RBFOX1: variants seen among roughly 807,000 people sequenced by gnomAD.
RBFOX1 encodes RNA binding protein fox-1 homolog 1.
RBFOX1 carries 8 observed loss-of-function variants against 57.7 expected under a neutral mutation model. That is an observed-to-expected ratio of 0.14 (90% CI 0.08 to 0.25). RBFOX1 has a LOEUF of 0.25. Among genes scored for constraint, RBFOX1 ranks in the 10% least tolerant of loss-of-function variants. The probability of loss-of-function intolerance (pLI) is 1.00; values close to 1 mark genes in which losing one functional copy is unlikely to be tolerated. For missense variants in RBFOX1, 611 were observed against 548.5 expected (o/e 1.11, Z -1.14); for synonymous variants, 326 against 222.4 (o/e 1.47, Z -4.15).
intron 2 of RBFOX1, among the ~76,000 whole-genome samples, chr16:6,398,761 T>C (rs529252937): frequency 6.6e-6 from 1 of 152,280 alleles, no homozygotes; most frequent in South Asian, 2.1e-4. Flanking sequence ...TGGCATTGAG[T>C]GTCTGCAGCT....
intron 1 of RBFOX1, among the ~76,000 whole-genome samples, chr16:6,243,411 T>A (rs1185826636): frequency 1.3e-5 from 2 of 152,208 alleles, no homozygotes; most frequent in African/African-American, 4.8e-5. Flanking sequence ...ATGCCTGTTA[T>A]AAGTGCACTT....
intron 1 of RBFOX1, among the ~76,000 whole-genome samples, chr16:5,328,516 A>C (rs945311783): frequency 6.6e-6 from 1 of 152,266 alleles, no homozygotes; most frequent in Non-Finnish European, 1.5e-5. Flanking sequence ...AGAATAACTC[A>C]GCCTCGATGA....
intron 3 of RBFOX1, among the ~76,000 whole-genome samples, chr16:5,819,739 A>G (rs2055777498): frequency 6.6e-6 from 1 of 152,186 alleles, no homozygotes; most frequent in Admixed American, 6.5e-5. Context: ...ATCACAGCTT[A>G]TCCTTTAAGA....
At chr16:6,318,907 C>T (rs1028158419) in intron 2 of RBFOX1, among the ~76,000 whole-genome samples, 1 of 151,646 alleles carries the variant, frequency 6.6e-6, no homozygotes, top group Non-Finnish European at 1.5e-5. Flanking sequence ...AGTAGGTTTC[C>T]ATCCTGTCCT....
At chr16:6,758,496 G>A (rs144534406) in intron 3 of RBFOX1, among the ~76,000 whole-genome samples, 16 of 152,194 alleles carry the variant, frequency 1.1e-4, no homozygotes, top group Admixed American at 7.2e-4. Context: ...ATTAATTGAC[G>A]TGAGAGTCCA....
At chr16:7,371,931 T>A (rs1254753870) in intron 4 of RBFOX1, among the ~76,000 whole-genome samples, 4 of 151,830 alleles carry the variant, frequency 2.6e-5, no homozygotes, top group Non-Finnish European at 5.9e-5. Flanking sequence ...ACTAGGTGGC[T>A]GTGACATACC....
intron 3 of RBFOX1, among the ~76,000 whole-genome samples, chr16:6,743,218 A>G (rs2072719983): frequency 6.6e-6 from 1 of 152,230 alleles, no homozygotes; most frequent in African/African-American, 2.4e-5. Flanking sequence ...AGGAAATAGA[A>G]TAATAAAAAT....
chr16:6,677,705 G>T (rs1342676292), intron 3 of RBFOX1, among the ~76,000 whole-genome samples: 1 of 152,176 alleles, frequency 6.6e-6, no homozygotes, highest in African/African-American at 2.4e-5. Context: ...TGTGAGCCAT[G>T]AAATCCTTTT....
intron 4 of RBFOX1, among the ~76,000 whole-genome samples, chr16:7,157,078 A>G (rs1180984199): frequency 6.6e-6 from 1 of 152,302 alleles, no homozygotes; most frequent in Non-Finnish European, 1.5e-5. Flanking sequence ...TGATTATGCT[A>G]CTAAATATTC....
At chr16:7,507,588 G>A (rs1244794721) in intron 4 of RBFOX1, among the ~76,000 whole-genome samples, 1 of 106,396 alleles carries the variant, frequency 9.4e-6, no homozygotes, top group South Asian at 3.4e-4. Flanking sequence ...TTTTGAGACG[G>A]AGTCTTGCTG....
intron 3 of RBFOX1, among the ~76,000 whole-genome samples, chr16:5,725,821 G>C (rs898661716): frequency 1.3e-5 from 2 of 151,974 alleles, no homozygotes; most frequent in Admixed American, 1.3e-4. Flanking sequence ...TAGGATGCCA[G>C]CTCTCCGAGT....
intron 4 of RBFOX1, among the ~76,000 whole-genome samples, chr16:7,466,184 G>C (rs369316860): frequency 1.3e-5 from 2 of 152,174 alleles, no homozygotes; most frequent in Non-Finnish European, 2.9e-5. Context: ...AGCTAGCACA[G>C]TTGTAATTTG....
At chr16:6,668,054 A>T (rs1294422548) in intron 3 of RBFOX1, among the ~76,000 whole-genome samples, 1 of 152,232 alleles carries the variant, frequency 6.6e-6, no homozygotes, top group Non-Finnish European at 1.5e-5. Flanking sequence ...AGTAAATTAC[A>T]AAGCTTAAAC....
intron 4 of RBFOX1, among the ~76,000 whole-genome samples, chr16:7,086,334 C>G (rs1466270983): frequency 6.6e-6 from 1 of 152,114 alleles, no homozygotes; most frequent in South Asian, 2.1e-4. Flanking sequence ...AAAACTCAGA[C>G]CTGAGCAAGA....
chr16:5,386,424 G>C (rs903324631), intron 1 of RBFOX1, among the ~76,000 whole-genome samples: 1 of 152,070 alleles, frequency 6.6e-6, no homozygotes, highest in Non-Finnish European at 1.5e-5. Context: ...GCTGAGCCAC[G>C]CAAGAGGGCT....
chr16:6,045,253 A>C (rs142394036), intron 1 of RBFOX1, among the ~76,000 whole-genome samples: 6 of 152,332 alleles, frequency 3.9e-5, no homozygotes, highest in African/African-American at 7.2e-5. Flanking sequence ...TGTGGAACAC[A>C]CATTGAGTAG....
At chr16:6,969,352 A>C (rs1012228332) in intron 3 of RBFOX1, among the ~76,000 whole-genome samples, 5 of 152,164 alleles carry the variant, frequency 3.3e-5, no homozygotes, top group Non-Finnish European at 7.4e-5. Context: ...AGTGTCATGC[A>C]GTGATTCCAT....
intron 2 of RBFOX1, chr16:5,598,891 T>C: frequency 2.0e-6 from 3 of 1,496,032 alleles, no homozygotes; most frequent in Non-Finnish European, 1.8e-6. Flanking sequence ...TATTTGTTTG[T>C]TTTTTGCCAG....
chr16:7,564,000 A>G (rs773073187), intron 5 of RBFOX1, among the ~76,000 whole-genome samples: 6 of 152,084 alleles, frequency 3.9e-5, no homozygotes, highest in African/African-American at 1.2e-4. Flanking sequence ...AGGACAAACA[A>G]TGCTTCTTTA....
Sources: gnomAD v4.1 joint callset for allele counts (sites outside exome capture counted in the v4.1 genomes callset) on GRCh38, gnomAD v4.1.1 for gene constraint, MANE v1.5 for transcripts, NCBI Gene and HGNC (gene_info 2026-07-23, HGNC 2026-07-21) for gene names.